Variants in ANO1 observed in about 807,000 individuals in gnomAD.
The protein encoded by ANO1 is anoctamin 1.
A neutral mutation model predicts 124.0 loss-of-function variants in ANO1; 59 were observed. That is an observed-to-expected ratio of 0.48 (90% CI 0.39 to 0.59). The LOEUF (loss-of-function observed/expected upper bound fraction) is 0.59. Among genes scored for constraint, ANO1 ranks in the 20% least tolerant of loss-of-function variants. The probability of loss-of-function intolerance (pLI) is 0.00; values close to 1 mark genes in which losing one functional copy is unlikely to be tolerated. For missense variants in ANO1, 1,059 were observed against 1,328.0 expected (o/e 0.80, Z 3.15); for synonymous variants, 529 against 532.0 (o/e 0.99, Z 0.08).
Position 70,180,014 on chromosome 11 carries a change from C to T in ANO1, c.2361C>T (p.Tyr787=), listed in dbSNP as rs1343750095. The part of the protein sequence containing the change: ...AVRAKDIGIW[Y]NILRGIGKLA... ...TTCTTCTTCCCCCAGGAATCTGGTACAATATCCTCAGAGGCATTGGGAAGC... is the reference window on the plus strand; with the variant it reads ...TTCTTCTTCCCCCAGGAATCTGGTATAATATCCTCAGAGGCATTGGGAAGC... The change falls in exon 23 of 26, where the codon TAC becomes TAT. Residue 787 remains tyrosine, a synonymous_variant. Coordinates refer to ENST00000355303, the MANE Select transcript of ANO1 (RefSeq NM_018043.7). 2 of 1,612,962 alleles carry T rather than the reference C, an allele frequency of 1.2e-6. No homozygotes were observed. The highest frequency in any genetic ancestry group is 1.7e-6 in the Non-Finnish European group (2 of 1,178,984).
At chr11:70,152,839 C>T (rs1188453635) in intron 13 of ANO1, among the ~76,000 whole-genome samples, 2 of 152,246 alleles carry the variant, frequency 1.3e-5, no homozygotes, top group Admixed American at 6.5e-5. Flanking sequence ...CGGTGGCCCT[C>T]CCAATGGGCT....
chr11:70,088,237 C>T (rs544485456), intron 2 of ANO1, among the ~76,000 whole-genome samples, 153 bp downstream of exon 2: 8 of 152,090 alleles, frequency 5.3e-5, no homozygotes, highest in African/African-American at 1.4e-4. Context: ...ACGGGCCAGA[C>T]GCAGTGGCTC....
chr11:70,137,163 G>A (rs951334434), intron 11 of ANO1, among the ~76,000 whole-genome samples: 2 of 147,210 alleles, frequency 1.4e-5, no homozygotes, highest in African/African-American at 4.9e-5. Context: ...TAAATGTAGG[G>A]TCAGCAGCAG....
intron 4 of ANO1, 43 bp from the exon 5 acceptor site, chr11:70,105,691 C>T: frequency 6.3e-7 from 1 of 1,590,574 alleles, no homozygotes; most frequent in Non-Finnish European, 8.6e-7. Context: ...GAACTGCCAG[C>T]TCTGGTGAAC....
chr11:69,977,790 G>C, the ANO1 span, among the ~76,000 whole-genome samples: 1 of 152,260 alleles, frequency 6.6e-6, no homozygotes, highest in Admixed American at 6.5e-5. Flanking sequence ...CTGAAGACAG[G>C]GGCAGAGGCT....
the ANO1 span, among the ~76,000 whole-genome samples, chr11:69,976,633 A>G: frequency 8.6e-5 from 13 of 150,764 alleles, no homozygotes; most frequent in African/African-American, 3.2e-4. Flanking sequence ...GAAGGTGGCC[A>G]TCTGCAAGCC....
chr11:70,038,484 C>T (rs976461549), intron 1 of ANO1, among the ~76,000 whole-genome samples: 2 of 152,152 alleles, frequency 1.3e-5, no homozygotes, highest in African/African-American at 4.8e-5. Context: ...GAGCAGCACC[C>T]TTTCTGCAGA....
At chr11:70,057,048 G>A (rs1461287799) in intron 1 of ANO1, among the ~76,000 whole-genome samples, 3 of 152,246 alleles carry the variant, frequency 2.0e-5, no homozygotes, top group South Asian at 2.1e-4. Flanking sequence ...ATTAACAGAT[G>A]TGTCTAATTA....
At chr11:70,159,869 C>T (rs992724362) in intron 16 of ANO1, among the ~76,000 whole-genome samples, 5 of 152,252 alleles carry the variant, frequency 3.3e-5, no homozygotes, top group South Asian at 2.1e-4. Flanking sequence ...GTGGTCCCCA[C>T]GCCTCGCAGC....
chr11:70,167,998 C>T lies in ANO1; in HGVS notation c.2197+611C>T, dbSNP rs559082282. 9.2e-5 allele frequency among the ~76,000 whole-genome samples: 14 copies of T among 152,334 alleles called. No homozygotes were observed. The East Asian group carries it at 2.7e-3, about 29-fold the overall frequency. ...GGGCTGGCGACAGCTGCCCCCAGCA[C>T]AGAGCAGGCGTCTCAAAGGAGACCC... On this transcript the variant is annotated intron_variant, in intron 21 of 25. Transcript: ENST00000355303.
At chr11:70,161,852 C>A in intron 18 of ANO1, 119 bp downstream of exon 18, 1 of 951,426 alleles carries the variant, frequency 1.1e-6, no homozygotes, top group Admixed American at 2.0e-5. Flanking sequence ...GTGGCACCCG[C>A]AGCCAAAGAG....
intron 8 of ANO1, among the ~76,000 whole-genome samples, chr11:70,117,160 T>G (rs949365794): frequency 6.9e-5 from 9 of 129,806 alleles, no homozygotes; most frequent in Non-Finnish European, 1.6e-5. Flanking sequence ...GCCCTCTGCC[T>G]CCCGGGTTCA....
chr11:69,988,018 A>G (rs1856081953), intron 1 of ANO1, among the ~76,000 whole-genome samples: 1 of 152,110 alleles, frequency 6.6e-6, no homozygotes, highest in Non-Finnish European at 1.5e-5. Flanking sequence ...GTCAGGAGTA[A>G]GACCCCAGGA....
rs2186792 is a variant in ANO1, at chr11:70,092,044, G to A, written c.441+3960G>A. Among the ~76,000 whole-genome samples, 455 of 152,320 alleles carry A rather than the reference G, an allele frequency of 3.0e-3. 8 individuals are homozygous for A. Among genetic ancestry groups the A allele is most frequent in the Admixed American group, 0.022 (334 of 15,288 alleles). On this transcript the variant is annotated intron_variant, in intron 2 of 25. Transcript: ENST00000355303. ...GCACAATCAAGGTGCCAGCAGGGCC[G>A]CGCTCCCTCTAAGACTCCAGGGGAG...
chr11:70,186,888 G>T (rs2049149151), intron 25 of ANO1, among the ~76,000 whole-genome samples: 1 of 152,190 alleles, frequency 6.6e-6, no homozygotes. Context: ...GGTGTGTGGG[G>T]CTGGGTTCCG....
At chr11:70,138,840 T>G (rs1043870636) in intron 11 of ANO1, among the ~76,000 whole-genome samples, 2 of 152,158 alleles carry the variant, frequency 1.3e-5, no homozygotes. Flanking sequence ...ATGGGTAAAC[T>G]GCGTGCCGTT....
intron 1 of ANO1, among the ~76,000 whole-genome samples, chr11:70,081,502 C>G (rs1156924590): frequency 3.3e-5 from 5 of 152,168 alleles, no homozygotes; most frequent in African/African-American, 4.8e-5. Flanking sequence ...AACTGATGTT[C>G]CCTTCTTAAC....
intron 1 of ANO1, among the ~76,000 whole-genome samples, chr11:70,080,261 G>A (rs2044163051): frequency 6.6e-6 from 1 of 152,228 alleles, no homozygotes; most frequent in South Asian, 2.1e-4. Flanking sequence ...AGGGGCAGGT[G>A]ACCAGCTCCA....
chr11:70,041,179 A>G (rs1857177774), intron 1 of ANO1, among the ~76,000 whole-genome samples: 1 of 152,184 alleles, frequency 6.6e-6, no homozygotes, highest in South Asian at 2.1e-4. Context: ...CAACATTGGC[A>G]ACCACATCAC....
Sources: allele counts gnomAD v4.1 joint callset (sites outside exome capture counted in the v4.1 genomes callset), GRCh38; gene constraint gnomAD v4.1.1; transcripts MANE v1.5; gene names NCBI Gene and HGNC (gene_info 2026-07-23, HGNC 2026-07-21).